UNC5D: variants seen among roughly 807,000 people sequenced by gnomAD.
UNC5D encodes the protein netrin receptor UNC5D.
In UNC5D, 39 loss-of-function variants were observed where a neutral mutation model predicts 105.4. The ratio of observed to expected loss-of-function variants is 0.37; its 90% CI spans 0.29 to 0.48. The LOEUF is 0.48. UNC5D is among the 20% of genes least tolerant of loss of function. The pLI is 0.98. For missense variants in UNC5D, 991 were observed against 1,202.4 expected (o/e 0.82, Z 2.60); for synonymous variants, 452 against 450.4 (o/e 1.00, Z -0.04).
intron 1 of UNC5D, among the ~76,000 whole-genome samples, chr8:35,335,009 C>T (rs1426143237): frequency 6.6e-6 from 1 of 152,134 alleles, no homozygotes; most frequent in African/African-American, 2.4e-5. Context: ...GATTAGTTTG[C>T]ATTTTCTAGA....
chr8:35,533,587 T>C (rs1814579663), intron 1 of UNC5D, among the ~76,000 whole-genome samples: 1 of 152,242 alleles, frequency 6.6e-6, no homozygotes, highest in Non-Finnish European at 1.5e-5. Flanking sequence ...AATTCGAGCT[T>C]CCTGGCTGCT....
At chr8:35,654,301 C>T (rs556352610) in intron 4 of UNC5D, among the ~76,000 whole-genome samples, 2 of 152,110 alleles carry the variant, frequency 1.3e-5, no homozygotes, top group African/African-American at 2.4e-5. Context: ...TTGAGAAAGA[C>T]GTTTGGTTTT....
chr8:35,625,355 T>C (rs1185812266), intron 4 of UNC5D, among the ~76,000 whole-genome samples: 1 of 152,222 alleles, frequency 6.6e-6, no homozygotes, highest in Admixed American at 6.5e-5. Flanking sequence ...CTCTGATGGT[T>C]TATTTACTAC....
chr8:35,595,727 TGTGTGGCTGGAAGGGAAGTAAA>T lies in UNC5D; in HGVS notation c.570+72_570+93del, dbSNP rs1819451683. On this transcript the variant is annotated intron_variant, in intron 4 of 16. Transcript: ENST00000404895. ...GTTCCCAAGAGGGAGGGCGGAGTCC[TGTGTGGCTGGAAGGGAAGTAAA>T]GGAGCCCATGTCTGGGATTCTTGTT... 15 of 1,411,700 alleles carry T rather than the reference TGTGTGGCTGGAAGGGAAGTAAA, an allele frequency of 1.1e-5. No individual in the cohort carries two copies. The Admixed American group carries it at 2.2e-4, about 20-fold the overall frequency. The allele number at this position is 1,411,700 out of a possible 1,614,324, so 87.4% of individuals were successfully genotyped here.
chr8:35,576,756 G>A (rs990986838), intron 3 of UNC5D, among the ~76,000 whole-genome samples: 1 of 152,086 alleles, frequency 6.6e-6, no homozygotes, highest in Admixed American at 6.6e-5. Context: ...GGGACTACAG[G>A]TGCCTGCCAC....
chr8:35,546,022 G>T lies in UNC5D; in HGVS notation c.104-3270G>T, dbSNP rs943668729. On this transcript the variant is annotated intron_variant, in intron 1 of 16. Transcript: ENST00000404895. ...CGAGCCTCCCACTTCAGCCTCCCAA[G>T]TAGCTGGGACTACACGCATGCATCC... Among the ~76,000 whole-genome samples, 13 of 152,152 alleles carry T rather than the reference G, an allele frequency of 8.5e-5. No individual in the cohort carries two copies. In the East Asian group the frequency reaches 2.5e-3, roughly 29 times the overall value.
intron 4 of UNC5D, among the ~76,000 whole-genome samples, chr8:35,655,187 T>TC (rs1406380712): frequency 1.3e-5 from 2 of 152,226 alleles, no homozygotes; most frequent in Non-Finnish European, 2.9e-5. Context: ...ACATGCATAC[T>TC]AAACATGCTC....
At chr8:35,568,307 A>C in intron 3 of UNC5D, 66 bp downstream of exon 3, 2 of 1,556,160 alleles carry the variant, frequency 1.3e-6, no homozygotes, top group Non-Finnish European at 1.7e-6. Flanking sequence ...AGCTGAAGAG[A>C]GGTTTTACAG....
intron 3 of UNC5D, among the ~76,000 whole-genome samples, chr8:35,587,683 C>T (rs965810403): frequency 7.2e-5 from 11 of 151,890 alleles, no homozygotes; most frequent in Non-Finnish European, 1.5e-4. Context: ...TGATAGACAT[C>T]GTAGGAGTGA....
intron 7 of UNC5D, among the ~76,000 whole-genome samples, chr8:35,699,090 A>G (rs1358985772): frequency 6.6e-6 from 1 of 152,208 alleles, no homozygotes; most frequent in Non-Finnish European, 1.5e-5. Context: ...GCCCAAGACC[A>G]TATTTTACTC....
chr8:35,513,203 C>T (rs373046949), intron 1 of UNC5D, among the ~76,000 whole-genome samples: 24 of 150,228 alleles, frequency 1.6e-4, no homozygotes, highest in African/African-American at 4.9e-4. Flanking sequence ...CTCCTTTGCC[C>T]TTTGCCTTCT....
intron 11 of UNC5D, among the ~76,000 whole-genome samples, chr8:35,740,832 A>C (rs2131606257): frequency 6.6e-6 from 1 of 152,270 alleles, no homozygotes; most frequent in Admixed American, 6.5e-5. Flanking sequence ...GCATCTGAAC[A>C]AAGAAGATGT....
intron 1 of UNC5D, among the ~76,000 whole-genome samples, chr8:35,261,541 C>T (rs1804495784): frequency 6.7e-6 from 1 of 150,196 alleles, no homozygotes; most frequent in African/African-American, 2.5e-5. Context: ...CCAGCCAGAG[C>T]TATTTCTCAA....
intron 1 of UNC5D, among the ~76,000 whole-genome samples, chr8:35,248,829 T>C (rs1248135761): frequency 1.1e-5 from 1 of 93,026 alleles, no homozygotes; most frequent in East Asian, 3.3e-4. Flanking sequence ...ATAATATTTA[T>C]ATTTTAAAAA....
intron 16 of UNC5D, among the ~76,000 whole-genome samples, chr8:35,781,625 G>A (rs1675806032): frequency 6.6e-6 from 1 of 152,204 alleles, no homozygotes; most frequent in African/African-American, 2.4e-5. Context: ...ATTTGAGACT[G>A]TAAAATCCTA....
intron 2 of UNC5D, among the ~76,000 whole-genome samples, chr8:35,553,599 T>G (rs901408751): frequency 6.6e-6 from 1 of 152,212 alleles, no homozygotes; most frequent in Non-Finnish European, 1.5e-5. Flanking sequence ...TTCTTCTGTG[T>G]AGTTAATGAA....
chr8:35,612,044 T>C (rs751330591), intron 4 of UNC5D, among the ~76,000 whole-genome samples: 4 of 152,244 alleles, frequency 2.6e-5, no homozygotes, highest in Non-Finnish European at 5.9e-5. Flanking sequence ...AAAGGCTTAG[T>C]GTCTAAGGCT....
At chr8:35,573,135 C>A (rs546889318) in intron 3 of UNC5D, among the ~76,000 whole-genome samples, 1 of 152,294 alleles carries the variant, frequency 6.6e-6, no homozygotes, top group South Asian at 2.1e-4. Flanking sequence ...TCCCTGGATA[C>A]CTACAGATGC....
chr8:35,530,446 G>A (rs1286303001), intron 1 of UNC5D, among the ~76,000 whole-genome samples: 1 of 64,728 alleles, frequency 1.5e-5, no homozygotes, highest in East Asian at 3.8e-4. Flanking sequence ...GATTCGTTTT[G>A]CCAGTATTTT....
Sources: allele counts gnomAD v4.1 joint callset (sites outside exome capture counted in the v4.1 genomes callset), GRCh38; gene constraint gnomAD v4.1.1; transcripts MANE v1.5; gene names NCBI Gene and HGNC (gene_info 2026-07-23, HGNC 2026-07-21).